The following SULF2 variants were observed in gnomAD, a reference collection of about 807,000 sequenced individuals.
SULF2 encodes sulfatase 2.
Under a neutral mutation model 107.7 loss-of-function variants are expected in SULF2, and 52 were observed. That is an observed-to-expected ratio of 0.48 (90% confidence interval 0.39 to 0.61). The LOEUF is 0.61. Ranked by LOEUF, SULF2 falls within the 20% of genes least tolerant of loss-of-function variation. The pLI, the probability that SULF2 is intolerant of heterozygous loss-of-function variation, is 0.00. For missense variants in SULF2, 993 were observed against 1,177.3 expected (o/e 0.84, Z 2.29); for synonymous variants, 460 against 464.3 (o/e 0.99, Z 0.12).
intron 2 of SULF2, among the ~76,000 whole-genome samples, chr20:47,742,230 C>A (rs2089901938): frequency 6.6e-6 from 1 of 152,220 alleles, no homozygotes; most frequent in African/African-American, 2.4e-5. Context: ...TGCCCAGCCC[C>A]AGCCCTAATG....
chr20:47,751,536 G>T (rs1436004521), intron 2 of SULF2, among the ~76,000 whole-genome samples: 1 of 152,164 alleles, frequency 6.6e-6, no homozygotes, highest in Non-Finnish European at 1.5e-5. Flanking sequence ...GTGTTCATGT[G>T]GGTCTAGTGA....
At chr20:47,692,076 G>A (rs1275237798) in intron 4 of SULF2, among the ~76,000 whole-genome samples, 1 of 152,062 alleles carries the variant, frequency 6.6e-6, no homozygotes, top group Non-Finnish European at 1.5e-5. Flanking sequence ...AACTCTTCCT[G>A]AATTTAGTAA....
intron 2 of SULF2, among the ~76,000 whole-genome samples, chr20:47,737,359 GTTTT>G (rs59362774): frequency 0.33 from 50,494 of 152,052 alleles, 8,912 homozygotes; most frequent in East Asian, 0.61. Context: ...AATATACATT[GTTTT>G]GTTTTTTCTT....
chr20:47,742,506 G>C (rs2089908600), intron 2 of SULF2, among the ~76,000 whole-genome samples: 1 of 152,130 alleles, frequency 6.6e-6, no homozygotes, highest in Admixed American at 6.6e-5. Context: ...AGGCCCATCT[G>C]TTGGGATTTA....
At chr20:47,677,432 GCGCA>G (rs1193544549) in intron 8 of SULF2, among the ~76,000 whole-genome samples, 1 of 93,008 alleles carries the variant, frequency 1.1e-5, no homozygotes, top group East Asian at 2.9e-4. Context: ...GTGTGTGTGC[GCGCA>G]CACACATCTC....
chr20:47,786,518 A>G (rs1045092047), upstream of SULF2: 3 of 152,178 alleles, frequency 2.0e-5, no homozygotes, highest in South Asian at 2.1e-4. Context: ...CCGCAGCTCA[A>G]TCGCAGGGCA....
chr20:47,707,984 C>T (rs1036661524), intron 3 of SULF2, among the ~76,000 whole-genome samples: 1 of 152,110 alleles, frequency 6.6e-6, no homozygotes, highest in African/African-American at 2.4e-5. Context: ...ATGATGGTGG[C>T]ACTCGAAATT....
chr20:47,693,874 G>A (rs2088286192), intron 4 of SULF2, among the ~76,000 whole-genome samples: 1 of 152,144 alleles, frequency 6.6e-6, no homozygotes, highest in Admixed American at 6.5e-5. Flanking sequence ...AGGCTGACAG[G>A]CAGGTTAAAG....
At chr20:47,747,010 TATATATATAC>T (rs376549929) in intron 2 of SULF2, among the ~76,000 whole-genome samples, 19,479 of 132,072 alleles carry the variant, frequency 0.15, 1,734 homozygotes, top group Admixed American at 0.22. Context: ...TATATATATA[TATATATATAC>T]ACACACACAC....
Position 47,666,557 on chromosome 20 carries a change from G to A in SULF2, c.1577-69C>T. The A allele has an allele frequency of 1.5e-6, 2 of 1,291,922 alleles. No individual in the cohort carries two copies. The highest frequency in any genetic ancestry group is 4.6e-5 in the East Asian group (2 of 43,164). The allele number at this position is 1,291,922 out of a possible 1,614,324, so 80.0% of individuals were successfully genotyped here. A position where few individuals can be genotyped will look rare whatever the true frequency, so the allele number is the denominator to read the frequency against. On this transcript the variant is annotated intron_variant, in intron 11 of 20. Transcript: ENST00000688720. This position sits in a 1 kb window ranked among gnomAD's most constrained non-coding sequence, Gnocchi z 5.4. ...GCTGGCCAGGCTCCCAGGGCAGTGGGTCCTTCATCAAGATAGGGCCGGGCT... is the reference window on the plus strand; with the variant it reads ...GCTGGCCAGGCTCCCAGGGCAGTGGATCCTTCATCAAGATAGGGCCGGGCT...
In SULF2 at chr20:47,678,932, A is replaced by G. The variant is rs1348740033; in HGVS notation, c.1065-128T>C. On this transcript the variant is annotated intron_variant, in intron 7 of 20. Coordinates refer to ENST00000688720, the MANE Select transcript of SULF2 (RefSeq NM_001387048.1). The surrounding 1 kb of genome is among the most constrained non-coding windows in gnomAD (Gnocchi z 4.5). ...TGACATCTGCAGGTATGGAAGCTGCAGTCTGGCACCTCAACCTCAGCAGCT... is the reference window on the plus strand; with the variant it reads ...TGACATCTGCAGGTATGGAAGCTGCGGTCTGGCACCTCAACCTCAGCAGCT... 20 of 776,574 alleles carry G rather than the reference A, an allele frequency of 2.6e-5. No homozygotes were observed. Among genetic ancestry groups the G allele is most frequent in the Non-Finnish European group, 3.7e-5 (17 of 463,254 alleles). 48.1% of individuals were successfully genotyped at this position (776,574 alleles called of 1,614,324 possible).
intron 3 of SULF2, among the ~76,000 whole-genome samples, chr20:47,723,243 C>CA (rs5841707): frequency 0.28 from 40,967 of 145,214 alleles, 5,811 homozygotes; most frequent in South Asian, 0.33. Flanking sequence ...CAGTCCATCT[C>CA]AAAAAAAAGA....
chr20:47,712,878 C>A (rs1358308124), intron 3 of SULF2, among the ~76,000 whole-genome samples: 1 of 151,956 alleles, frequency 6.6e-6, no homozygotes, highest in East Asian at 1.9e-4. Flanking sequence ...TACCAAAAAA[C>A]CAAAAAATTA....
rs983998517 is a variant in SULF2, at chr20:47,683,311, C to T, written c.889-142G>A. On this transcript the variant is annotated intron_variant, in intron 6 of 20. Coordinates refer to ENST00000688720, the MANE Select transcript of SULF2 (RefSeq NM_001387048.1). ...TGCTCAACTTTCCCAGGGGCTGTCC[C>T]CTTTGTCACTGCACCTTCCTGCCTC... The T allele has an allele frequency of 2.2e-5, 17 of 786,680 alleles. 1 individual carries two copies. In the Admixed American group the frequency reaches 4.2e-4, roughly 20 times the overall value. 48.7% of individuals were successfully genotyped at this position (786,680 alleles called of 1,614,324 possible).
chr20:47,775,036 G>GT (rs748555601), intron 1 of SULF2, among the ~76,000 whole-genome samples: 1 of 152,176 alleles, frequency 6.6e-6, no homozygotes, highest in Non-Finnish European at 1.5e-5. Flanking sequence ...GCTTGAGGTA[G>GT]TAAGTGTTGG....
At chr20:47,757,094 GCAT>G in intron 2 of SULF2, 92 bp downstream of exon 2, 2 of 1,143,416 alleles carry the variant, frequency 1.7e-6, no homozygotes, top group Non-Finnish European at 2.4e-6. Context: ...TGAGCACGAC[GCAT>G]CAACACCACC....
chr20:47,662,940 T>C, intron 17 of SULF2, 130 bp downstream of exon 17: 1 of 1,024,932 alleles, frequency 9.8e-7, no homozygotes, highest in Non-Finnish European at 1.4e-6. Flanking sequence ...CTTCACAACT[T>C]ACTCCCACCG....
chr20:47,719,950 T>G (rs1402124398), intron 3 of SULF2, among the ~76,000 whole-genome samples: 5 of 152,188 alleles, frequency 3.3e-5, no homozygotes, highest in Non-Finnish European at 7.3e-5. Context: ...CATTATTATC[T>G]TTTTCAAATT....
At position 47,694,422 on chromosome 20, in the gene SULF2, G is replaced by A. The variant is rs1410110970; in HGVS notation, c.568-4127C>T. The stretch of plus-strand genomic sequence containing the variant: ...TGGGCAAACTGTGTTTGGGGTGCCC[G>A]GGTCAAGCCATGAGGAAGAACTCTG... On this transcript the variant is annotated intron_variant, in intron 4 of 20. Coordinates refer to ENST00000688720, the MANE Select transcript of SULF2 (RefSeq NM_001387048.1). This position sits in a 1 kb window ranked among gnomAD's most constrained non-coding sequence, Gnocchi z 4.4. 6.6e-6 allele frequency among the ~76,000 whole-genome samples: 1 copy of A among 152,196 alleles called. No individual in the cohort carries two copies. Among genetic ancestry groups the A allele is most frequent in the African/African-American group, 2.4e-5 (1 of 41,450 alleles).
Sources: allele counts gnomAD v4.1 joint callset (sites outside exome capture counted in the v4.1 genomes callset), GRCh38; gene constraint gnomAD v4.1.1; non-coding constraint Gnocchi (gnomAD v3.1); transcripts MANE v1.5; gene names NCBI Gene and HGNC (gene_info 2026-07-23, HGNC 2026-07-21).